The following FBXL17 variants were observed in gnomAD, a reference collection of about 807,000 sequenced individuals.
The protein encoded by FBXL17 is F-box and leucine rich repeat protein 17.
FBXL17 carries 22 observed loss-of-function variants against 66.2 expected under a neutral mutation model. That is an observed-to-expected ratio of 0.33 (90% CI 0.24 to 0.47). FBXL17 has a LOEUF of 0.47. Among genes scored for constraint, FBXL17 ranks in the 20% least tolerant of loss-of-function variants. The probability of loss-of-function intolerance (pLI) is 1.00; values close to 1 mark genes in which losing one functional copy is unlikely to be tolerated. For synonymous variants in FBXL17, 474 were observed against 400.5 expected (o/e 1.18, Z -2.19); for missense variants, 878 against 948.2 (o/e 0.93, Z 0.97).
At chr5:107,965,923 GA>G (rs941574137) in intron 7 of FBXL17, among the ~76,000 whole-genome samples, 1 of 151,672 alleles carries the variant, frequency 6.6e-6, no homozygotes, top group Non-Finnish European at 1.5e-5. Context: ...TCCCCTTAGG[GA>G]AAAAAAATCA....
intron 6 of FBXL17, among the ~76,000 whole-genome samples, chr5:108,099,036 T>G (rs1355236244): frequency 6.6e-6 from 1 of 152,206 alleles, no homozygotes; most frequent in African/African-American, 2.4e-5. Context: ...CTCATCCTGC[T>G]TACTCAATAG....
chr5:108,186,090 G>A, intron 6 of FBXL17, 27 bp downstream of exon 6: 1 of 1,565,946 alleles, frequency 6.4e-7, no homozygotes, highest in Non-Finnish European at 8.8e-7. Context: ...CTCTAGAAAA[G>A]TATTTTTAAC....
intron 4 of FBXL17, among the ~76,000 whole-genome samples, chr5:108,256,494 T>C (rs1340171420): frequency 6.6e-6 from 1 of 152,122 alleles, no homozygotes; most frequent in Non-Finnish European, 1.5e-5. Context: ...TTCCCAGAGG[T>C]AAACATTTTC....
intron 7 of FBXL17, among the ~76,000 whole-genome samples, chr5:108,016,929 G>A (rs911927159): frequency 1.3e-5 from 2 of 151,828 alleles, no homozygotes; most frequent in Non-Finnish European, 2.9e-5. Context: ...ACAGGCATGC[G>A]TCACCACGCT....
intron 4 of FBXL17, among the ~76,000 whole-genome samples, chr5:108,327,144 A>G (rs562041713): frequency 2.6e-5 from 4 of 152,144 alleles, no homozygotes; most frequent in Non-Finnish European, 4.4e-5. Context: ...TTCAGCAATA[A>G]AAAAGCAATA....
chr5:108,097,671 C>T (rs1299231037), intron 6 of FBXL17, among the ~76,000 whole-genome samples: 1 of 151,946 alleles, frequency 6.6e-6, no homozygotes, highest in Non-Finnish European at 1.5e-5. Context: ...CGCCTGTAAT[C>T]CCAGCTACTC....
chr5:108,275,024 G>A (rs1757428277), intron 4 of FBXL17, among the ~76,000 whole-genome samples: 2 of 152,152 alleles, frequency 1.3e-5, no homozygotes, highest in South Asian at 4.1e-4. Context: ...CCAAGTCTTT[G>A]TAATCCTCCA....
chr5:108,259,417 T>C (rs1398426040), intron 4 of FBXL17, among the ~76,000 whole-genome samples: 1 of 152,164 alleles, frequency 6.6e-6, no homozygotes, highest in Non-Finnish European at 1.5e-5. Context: ...TAATGTATCC[T>C]CAATGTAGCT....
chr5:107,958,214 A>AT (rs1751742807), intron 7 of FBXL17, among the ~76,000 whole-genome samples: 1 of 151,246 alleles, frequency 6.6e-6, no homozygotes, highest in Non-Finnish European at 1.5e-5. Context: ...TTATTTATTT[A>AT]TTTTTTGGTG....
chr5:107,920,487 T>C lies in FBXL17; in HGVS notation c.1823-39308A>G, dbSNP rs1282950553. On this transcript the variant is annotated intron_variant, in intron 7 of 8. Transcript: ENST00000542267. ...CTTTGTCATTTAATCAGCAAAATTATGGTGGCCAGAAAGAGTTAATACAAT... is the reference window on the plus strand; with the variant it reads ...CTTTGTCATTTAATCAGCAAAATTACGGTGGCCAGAAAGAGTTAATACAAT... Among the ~76,000 whole-genome samples, 3 of 152,214 alleles carry C rather than the reference T, an allele frequency of 2.0e-5. No individual in the cohort carries two copies. The East Asian group carries it at 5.8e-4, about 29-fold the overall frequency.
chr5:108,075,997 G>A (rs923992125), intron 6 of FBXL17, among the ~76,000 whole-genome samples: 30 of 152,122 alleles, frequency 2.0e-4, no homozygotes, highest in Non-Finnish European at 5.9e-5. Flanking sequence ...TCCAATAATT[G>A]TAGTAATCTT....
intron 6 of FBXL17, among the ~76,000 whole-genome samples, chr5:108,157,485 T>C (rs1752040029): frequency 6.6e-6 from 1 of 151,776 alleles, no homozygotes; most frequent in South Asian, 2.1e-4. Flanking sequence ...CAAATAAAAC[T>C]TTTTTATTTC....
intron 6 of FBXL17, among the ~76,000 whole-genome samples, chr5:108,027,446 A>G (rs1754867101): frequency 6.6e-6 from 1 of 152,202 alleles, no homozygotes; most frequent in Non-Finnish European, 1.5e-5. Flanking sequence ...TAACAAGTTA[A>G]CATTTTCTAA....
chr5:108,171,915 A>C (rs897991376), intron 6 of FBXL17, among the ~76,000 whole-genome samples: 1 of 151,626 alleles, frequency 6.6e-6, no homozygotes, highest in Non-Finnish European at 1.5e-5. Context: ...TGGTTTTAAA[A>C]AGAGGAGTTC....
chr5:108,371,435 CATAA>C (rs1561561192), intron 1 of FBXL17, among the ~76,000 whole-genome samples: 2 of 152,158 alleles, frequency 1.3e-5, no homozygotes, highest in South Asian at 2.1e-4. Context: ...GCACACAAAA[CATAA>C]ATGAATGTAT....
At chr5:108,045,773 T>A (rs755584977) in intron 6 of FBXL17, among the ~76,000 whole-genome samples, 180 of 152,358 alleles carry the variant, frequency 1.2e-3, no homozygotes, top group Non-Finnish European at 2.0e-3. Flanking sequence ...GAGAATTTTC[T>A]GATATCTTTC....
intron 3 of FBXL17, among the ~76,000 whole-genome samples, chr5:108,349,282 C>T (rs1305951748): frequency 6.6e-6 from 1 of 152,118 alleles, no homozygotes; most frequent in Admixed American, 6.6e-5. Flanking sequence ...TATTTAAATA[C>T]ATACATGTGT....
rs552543786 is a variant in FBXL17, at chr5:108,214,493, G to A, written c.1614+9628C>T. The stretch of plus-strand genomic sequence containing the variant: ...AGAGATTCTCCTGCCTCAGCCTCCC[G>A]AGTAACTGGGACAAGAGGCACATGC... On this transcript the variant is annotated intron_variant, in intron 5 of 8. Coordinates refer to ENST00000542267, the MANE Select transcript of FBXL17 (RefSeq NM_001163315.3). Among the ~76,000 whole-genome samples, 17 of 151,246 alleles carry A rather than the reference G, an allele frequency of 1.1e-4. No homozygotes were observed. In the East Asian group the frequency reaches 2.7e-3, roughly 24 times the overall value.
intron 6 of FBXL17, among the ~76,000 whole-genome samples, chr5:108,184,996 A>G (rs1753169581): frequency 6.6e-6 from 1 of 152,084 alleles, no homozygotes; most frequent in African/African-American, 2.4e-5. Context: ...CAGTAGTGCT[A>G]GCGCTACTCT....
Sources: gnomAD v4.1 joint callset for allele counts (sites outside exome capture counted in the v4.1 genomes callset) on GRCh38, gnomAD v4.1.1 for gene constraint, MANE v1.5 for transcripts, NCBI Gene and HGNC (gene_info 2026-07-23, HGNC 2026-07-21) for gene names.